Variants in HMCN2 observed in about 807,000 individuals in gnomAD.
HMCN2 encodes the protein hemicentin 2.
Under a neutral mutation model 377.5 loss-of-function variants are expected in HMCN2, and 325 were observed. The ratio of observed to expected loss-of-function variants is 0.86; its 90% CI spans 0.79 to 0.94. The LOEUF (loss-of-function observed/expected upper bound fraction) is 0.94. Among genes scored for constraint, HMCN2 ranks in the 40% least tolerant of loss-of-function variants. HMCN2 has a pLI of 0.00. For missense variants in HMCN2, 4,543 were observed against 4,725.3 expected (o/e 0.96, Z 1.13); for synonymous variants, 2,007 against 2,046.8 (o/e 0.98, Z 0.53).
intron 8 of HMCN2, among the ~76,000 whole-genome samples, chr9:130,299,642 CCCACTCATTCAT>C (rs1564761551): frequency 6.7e-6 from 1 of 149,044 alleles, no homozygotes; most frequent in African/African-American, 2.5e-5. Flanking sequence ...CATCCATCTA[CCCACTCATTCAT>C]CCACTCATCC....
intron 87 of HMCN2, 85 bp from the exon 88 acceptor site, chr9:130,424,691 T>C (rs1305321954): frequency 1.4e-6 from 2 of 1,385,200 alleles, no homozygotes; most frequent in Non-Finnish European, 1.9e-6. Context: ...CTGGGGGCAG[T>C]GGGGAGCCAT....
At chr9:130,267,435 AACACACACACACAC>A (rs36122739) in intron 1 of HMCN2, among the ~76,000 whole-genome samples, 35 of 145,920 alleles carry the variant, frequency 2.4e-4, no homozygotes, top group South Asian at 6.6e-4. Flanking sequence ...CCCCAAATAA[AACACACACACACAC>A]ACACACACAC....
chr9:130,402,396 G>A (rs1842894566), intron 77 of HMCN2, among the ~76,000 whole-genome samples: 1 of 152,232 alleles, frequency 6.6e-6, no homozygotes, highest in South Asian at 2.1e-4. Flanking sequence ...AATCCTGGGA[G>A]GCTTCCTAGA....
At chr9:130,370,428 G>A (rs1445595079) in intron 45 of HMCN2, among the ~76,000 whole-genome samples, 1 of 152,178 alleles carries the variant, frequency 6.6e-6, no homozygotes, top group Non-Finnish European at 1.5e-5. Context: ...TAAGAGATAG[G>A]GTGGGAGAGG....
At chr9:130,431,584 C>T in intron 96 of HMCN2, 98 bp downstream of exon 96, 1 of 1,463,298 alleles carries the variant, frequency 6.8e-7, no homozygotes, top group African/African-American at 1.4e-5. Context: ...TTCACTCCAG[C>T]CCCTTCACAA....
rs1463649315 is a variant in HMCN2 at position 130,388,394 on chromosome 9, G to T, written c.9392-15G>T. On this transcript the variant is annotated splice_polypyrimidine_tract_variant and intron_variant, in intron 61 of 97. Transcript: ENST00000683500. ...AGAGTCTCAGAATTCTGACAGTCTG[G>T]CTTTCTTCCTGCAGTGCCCCCAACA... 7 of 987,812 alleles carry T rather than the reference G, an allele frequency of 7.1e-6. No homozygotes were observed. Among genetic ancestry groups the T allele is most frequent in the Non-Finnish European group, 8.4e-6 (7 of 830,058 alleles). The allele number at this position is 987,812 out of a possible 1,614,324, so 61.2% of individuals were successfully genotyped here.
chr9:130,392,234 C>A, intron 66 of HMCN2, 116 bp downstream of exon 66: 1 of 728,548 alleles, frequency 1.4e-6, no homozygotes, highest in Non-Finnish European at 1.7e-6. Context: ...CTCCCCACCC[C>A]ACAGCGAGTG....
At chr9:130,376,712 G>A (rs904385612) in intron 52 of HMCN2, 54 bp downstream of exon 52, 12 of 980,342 alleles carry the variant, frequency 1.2e-5, no homozygotes, top group Non-Finnish European at 1.5e-5. Context: ...CTTCCGGCTG[G>A]TTCTGCTTGG....
intron 53 of HMCN2, 93 bp from the exon 54 acceptor site, chr9:130,379,156 C>T (rs1048200921): frequency 6.5e-6 from 2 of 307,298 alleles, no homozygotes; most frequent in Non-Finnish European, 4.8e-6. Context: ...TGGATTTCCG[C>T]TTGGGAGAGG....
At chr9:130,345,390 GTGTGTGTGTGC>G (rs1839332359) in intron 25 of HMCN2, among the ~76,000 whole-genome samples, 1 of 146,842 alleles carries the variant, frequency 6.8e-6, no homozygotes, top group African/African-American at 2.5e-5. Flanking sequence ...GTAGTGTGTG[GTGTGTGTGTGC>G]TGTGTGTGTA....
At chr9:130,363,716 G>A (rs1840516246) in intron 40 of HMCN2, among the ~76,000 whole-genome samples, 1 of 151,384 alleles carries the variant, frequency 6.6e-6, no homozygotes, top group South Asian at 2.1e-4. Flanking sequence ...CCAGCTACTC[G>A]AAAGGCTGAA....
intron 65 of HMCN2, 65 bp from the exon 66 acceptor site, chr9:130,391,870 C>T: frequency 1.1e-6 from 1 of 915,052 alleles, no homozygotes; most frequent in Non-Finnish European, 1.3e-6. Context: ...TGGGATTTCC[C>T]TGGGAGGAGC....
At chr9:130,385,839 G>A (rs1841997364) in intron 60 of HMCN2, 77 bp downstream of exon 60, 1 of 1,056,176 alleles carries the variant, frequency 9.5e-7, no homozygotes. Flanking sequence ...GCTGCGGGGA[G>A]GAAGGTGGGC....
Position 130,348,571 on chromosome 9 carries a change from C to T in HMCN2, c.4051C>T (p.Arg1351Cys), listed in dbSNP as rs1456340075. Residue 1351 changes from arginine to cysteine, a missense_variant, in exon 27 of 98, where the codon CGC becomes TGC. By Grantham distance (180) the Arg-to-Cys change is radical. Transcript: ENST00000683500. ...GCCCCCCAGCATCCGGGAGGACGGGCGCAAGGCCAACGTGTCGGGTATGGC... is the reference window on the plus strand; with the variant it reads ...GCCCCCCAGCATCCGGGAGGACGGGTGCAAGGCCAACGTGTCGGGTATGGC... ...YVPPSIREDG[R>C]KANVSGMAGQ... 1.2e-5 allele frequency: 16 copies of T among 1,304,106 alleles called. No individual in the cohort carries two copies. The highest frequency in any genetic ancestry group is 1.5e-5 in the African/African-American group (1 of 65,884). 80.8% of individuals were successfully genotyped at this position (1,304,106 alleles called of 1,614,324 possible). A position where few individuals can be genotyped will look rare whatever the true frequency, so the allele number is the denominator to read the frequency against.
In HMCN2 at chr9:130,433,852, GA is replaced by G. The variant is rs1036226600; in HGVS notation, c.*160del. On this transcript the variant is annotated 3_prime_UTR_variant, in exon 98 of 98. Transcript: ENST00000683500. ...TCAACACGACCCTGCGCACAGCCTT[GA>G]CCCCCGACAGCGAGGACCTGACCTC... The G allele has an allele frequency of 4.7e-6, 3 of 632,286 alleles. No homozygotes were observed. In the African/African-American group the frequency reaches 5.9e-5, roughly 12 times the overall value. 39.2% of individuals were successfully genotyped at this position (632,286 alleles called of 1,614,324 possible). A position where few individuals can be genotyped will look rare whatever the true frequency, so the allele number is the denominator to read the frequency against.
At chr9:130,392,867 G>A (rs1334746517) in intron 66 of HMCN2, among the ~76,000 whole-genome samples, 1 of 151,886 alleles carries the variant, frequency 6.6e-6, no homozygotes, top group Admixed American at 6.6e-5. Context: ...CTGGTGGCGG[G>A]CGCCTGTAGT....
chr9:130,331,319 G>A (rs1279524231), intron 22 of HMCN2, among the ~76,000 whole-genome samples: 1 of 152,208 alleles, frequency 6.6e-6, no homozygotes, highest in Admixed American at 6.5e-5. Context: ...TCCTGGGTCG[G>A]TTCCTTGCGG....
rs1247412193 is a variant in HMCN2, at chr9:130,303,216, G to A, written c.1421+215G>A. ...TGCTGGGCCATCAGCTGGTGAAGGA[G>A]CCGGGGGCCTTCCTCAGCTCCTGGA... On this transcript the variant is annotated intron_variant, in intron 9 of 97. Transcript: ENST00000683500. The surrounding 1 kb of genome is among the most constrained non-coding windows in gnomAD (Gnocchi z 5.2). Among the ~76,000 whole-genome samples the A allele has an allele frequency of 2.0e-5, 3 of 152,206 alleles. No individual in the cohort carries two copies.
At chr9:130,397,468 C>T (rs745814661) in intron 73 of HMCN2, 60 bp from the exon 74 acceptor site, 182 of 1,267,634 alleles carry the variant, frequency 1.4e-4, no homozygotes, top group Non-Finnish European at 1.8e-4. Flanking sequence ...TTGCTAGAGA[C>T]AGCCTTGCTC....
Sources: allele counts gnomAD v4.1 joint callset (sites outside exome capture counted in the v4.1 genomes callset), GRCh38; gene constraint gnomAD v4.1.1; non-coding constraint Gnocchi (gnomAD v3.1); transcripts MANE v1.5; gene names NCBI Gene and HGNC (gene_info 2026-07-23, HGNC 2026-07-21).